NCAM1: variants seen among roughly 807,000 people sequenced by gnomAD.
NCAM1 encodes the protein neural cell adhesion molecule 1, also known as antigen recognized by monoclonal antibody 5.1H11.
A neutral mutation model predicts 109.8 loss-of-function variants in NCAM1; 14 were observed. That is an observed-to-expected ratio of 0.13 (90% CI 0.08 to 0.20). The LOEUF is 0.20. Among genes scored for constraint, NCAM1 ranks in the 10% least tolerant of loss-of-function variants. The pLI, the probability that NCAM1 is intolerant of heterozygous loss-of-function variation, is 1.00. For missense variants in NCAM1, 774 were observed against 1,109.9 expected, an observed-to-expected ratio of 0.70 and a Z score of 4.30; for synonymous variants, 418 against 442.9, an observed-to-expected ratio of 0.94 and a Z score of 0.70.
intron 14 of NCAM1, among the ~76,000 whole-genome samples, chr11:113,237,786 T>G (rs920385004): frequency 2.0e-5 from 3 of 151,994 alleles, no homozygotes; most frequent in Non-Finnish European, 4.4e-5. Context: ...TCAGAGTAAC[T>G]GGGTCTTGGA....
At chr11:113,072,308 G>A (rs985844799) in intron 1 of NCAM1, among the ~76,000 whole-genome samples, 1 of 152,212 alleles carries the variant, frequency 6.6e-6, no homozygotes, top group Non-Finnish European at 1.5e-5. Flanking sequence ...GGAAGCCAAA[G>A]GGCACTGTCG....
chr11:113,166,699 G>A (rs1282072112), intron 1 of NCAM1, among the ~76,000 whole-genome samples: 1 of 152,086 alleles, frequency 6.6e-6, no homozygotes, highest in Admixed American at 6.5e-5. Flanking sequence ...GTTCACGACA[G>A]GTAACTTGTC....
intron 1 of NCAM1, among the ~76,000 whole-genome samples, chr11:113,014,958 C>T (rs1330066413): frequency 6.6e-6 from 1 of 152,142 alleles, no homozygotes; most frequent in Non-Finnish European, 1.5e-5. Context: ...TGGATGTGGC[C>T]CAGCCACCGT....
intron 1 of NCAM1, chr11:113,003,748 T>C (rs1409514369): frequency 2.0e-5 from 3 of 152,346 alleles, no homozygotes; most frequent in African/African-American, 7.2e-5. Context: ...ATTTTAACTG[T>C]CTGTTTGATC....
At chr11:113,242,712 C>A (rs1945368182) in intron 14 of NCAM1, 1 of 1,063,340 alleles carries the variant, frequency 9.4e-7, no homozygotes, top group Non-Finnish European at 1.5e-6. Flanking sequence ...ATATACTCAC[C>A]CATGTATGTA....
rs150743606 is a variant in NCAM1, at chr11:112,969,559, G to A, written c.52+7895G>A. Among the ~76,000 whole-genome samples, 228 of 152,134 alleles carry A rather than the reference G, an allele frequency of 1.5e-3. 3 individuals carry two copies. Among genetic ancestry groups the A allele is most frequent in the African/African-American group, 5.3e-3 (218 of 41,502 alleles). ...TCCTGCCATTCTGCAAGTTGCTGTCGTTCTGAGCCTGTTTCCCCATCTGTA... is the reference window on the plus strand; with the variant it reads ...TCCTGCCATTCTGCAAGTTGCTGTCATTCTGAGCCTGTTTCCCCATCTGTA... On this transcript the variant is annotated intron_variant, in intron 1 of 19. Coordinates refer to ENST00000316851, the MANE Select transcript of NCAM1 (RefSeq NM_181351.5).
intron 1 of NCAM1, among the ~76,000 whole-genome samples, chr11:113,126,949 C>T (rs1482248327): frequency 6.6e-6 from 1 of 152,208 alleles, no homozygotes; most frequent in Non-Finnish European, 1.5e-5. Context: ...GGGACATGTC[C>T]AGGTTTAAAC....
intron 1 of NCAM1, among the ~76,000 whole-genome samples, chr11:113,055,593 A>G (rs1424113543): frequency 2.0e-5 from 3 of 152,120 alleles, no homozygotes; most frequent in Non-Finnish European, 4.4e-5. Context: ...TTAGCTAGGT[A>G]GCCTTTCTGG....
At chr11:113,014,860 G>T (rs1051957663) in intron 1 of NCAM1, among the ~76,000 whole-genome samples, 52 of 152,196 alleles carry the variant, frequency 3.4e-4, no homozygotes, top group Non-Finnish European at 2.4e-4. Context: ...GCAGTGCTGG[G>T]AGCTTGAGGC....
intron 8 of NCAM1, among the ~76,000 whole-genome samples, 162 bp downstream of exon 8, chr11:113,214,673 C>T (rs1280275940): frequency 1.3e-5 from 2 of 152,206 alleles, no homozygotes; most frequent in Admixed American, 6.5e-5. Context: ...CAGGACATGG[C>T]CTGCTCATCA....
intron 1 of NCAM1, among the ~76,000 whole-genome samples, chr11:113,145,639 A>C (rs1303753541): frequency 7.9e-5 from 12 of 152,178 alleles, no homozygotes; most frequent in African/African-American, 2.9e-4. Context: ...GAAAAAGGTT[A>C]GCTTTTAATA....
At chr11:113,202,046 T>A (rs1372341759) in intron 1 of NCAM1, among the ~76,000 whole-genome samples, 4 of 152,198 alleles carry the variant, frequency 2.6e-5, no homozygotes, top group South Asian at 4.1e-4. Context: ...AGCAGGATCA[T>A]AAGTCTTCTC....
intron 1 of NCAM1, among the ~76,000 whole-genome samples, chr11:113,044,907 C>T (rs892658315): frequency 3.9e-5 from 6 of 151,990 alleles, no homozygotes; most frequent in Non-Finnish European, 7.4e-5. Flanking sequence ...GCACCCGCCA[C>T]GACGCCTGGC....
At chr11:113,269,317 A>G (rs557461604) in intron 17 of NCAM1, among the ~76,000 whole-genome samples, 59 of 152,328 alleles carry the variant, frequency 3.9e-4, no homozygotes, top group Non-Finnish European at 4.4e-4. Context: ...TGAGTCTTTC[A>G]CAGTGAGTCC....
chr11:113,157,136 G>GACAGACACACACACACAC (rs1555103558), intron 1 of NCAM1, among the ~76,000 whole-genome samples: 5 of 146,974 alleles, frequency 3.4e-5, no homozygotes, highest in African/African-American at 1.2e-4. Context: ...GTTTCCCTGA[G>GACAGACACACACACACAC]ACACACACAC....
At chr11:113,189,868 C>A (rs1943623803) in intron 1 of NCAM1, among the ~76,000 whole-genome samples, 1 of 102,122 alleles carries the variant, frequency 9.8e-6, no homozygotes. Context: ...AAAACAAAAC[C>A]CAAACAAACA....
Position 113,210,773 on chromosome 11 carries a change from CAA to C in NCAM1, c.916+2773_916+2774del, listed in dbSNP as rs1555113537. ...TGGACACATACACCCCTCTTCATCACAAACACACACACACACACACACACACA... is the reference window on the plus strand; with the variant it reads ...TGGACACATACACCCCTCTTCATCACACACACACACACACACACACACACA... On this transcript the variant is annotated intron_variant, in intron 7 of 19. Transcript: ENST00000316851. Among the ~76,000 whole-genome samples the C allele has an allele frequency of 7.5e-4, 91 of 120,602 alleles. 1 individual carries two copies. Among genetic ancestry groups the C allele is most frequent in the Middle Eastern group, 3.8e-3 (1 of 264 alleles). 79.1% of individuals were successfully genotyped at this position (120,602 alleles called of 152,430 possible).
intron 1 of NCAM1, among the ~76,000 whole-genome samples, chr11:113,177,413 C>G (rs1456506073): frequency 1.3e-5 from 2 of 152,144 alleles, no homozygotes; most frequent in African/African-American, 4.8e-5. Context: ...CTAGGAAAGA[C>G]AGCATTACGT....
chr11:112,966,346 A>G (rs1436567112), intron 1 of NCAM1, among the ~76,000 whole-genome samples: 2 of 152,236 alleles, frequency 1.3e-5, no homozygotes, highest in East Asian at 1.9e-4. Context: ...TACTTTTCAT[A>G]ATATACTCAG....
Sources: allele counts gnomAD v4.1 joint callset (sites outside exome capture counted in the v4.1 genomes callset), GRCh38; gene constraint gnomAD v4.1.1; transcripts MANE v1.5; gene names NCBI Gene and HGNC (gene_info 2026-07-23, HGNC 2026-07-21).